Variants in SPG11 observed in about 807,000 individuals in gnomAD.
SPG11 encodes spatacsin.
A neutral mutation model predicts 274.0 loss-of-function variants in SPG11; 222 were observed. That is an observed-to-expected ratio of 0.81 (90% CI 0.73 to 0.91). The LOEUF is 0.91. Among genes scored for constraint, SPG11 ranks in the 40% least tolerant of loss-of-function variants. SPG11 has a pLI of 0.00. For missense variants in SPG11, 3,114 were observed against 2,872.7 expected (o/e 1.08, Z -1.92); for synonymous variants, 1,144 against 1,039.7 (o/e 1.10, Z -1.93).
chr15:44,648,139 A>G (rs1595922281), intron 7 of SPG11, among the ~76,000 whole-genome samples: 1 of 152,208 alleles, frequency 6.6e-6, no homozygotes, highest in East Asian at 1.9e-4. Context: ...ACCAAATTAG[A>G]TATTCCATGT....
chr15:44,570,677 G>GT lies in SPG11; in HGVS notation c.6344-20dup, dbSNP rs1567129632. The GT allele has an allele frequency of 6.2e-7, 1 of 1,612,682 alleles. No homozygotes were observed. Among genetic ancestry groups the GT allele is most frequent in the Admixed American group, 1.7e-5 (1 of 59,782 alleles). On this transcript the variant is annotated intron_variant, in intron 33 of 39. Transcript: ENST00000261866. ...TCTGTGGCTGGGAGGGTGGGCACTG[G>GT]TAAGATAAGATTATGAACCCTGGCT...
chr15:44,568,658 G>T (rs533331582), intron 35 of SPG11, among the ~76,000 whole-genome samples: 1 of 152,198 alleles, frequency 6.6e-6, no homozygotes, highest in African/African-American at 2.4e-5. Context: ...CAGCTTTTTG[G>T]TCTAAACTTT....
At chr15:44,586,569 G>A (rs2082769422) in intron 28 of SPG11, among the ~76,000 whole-genome samples, 1 of 152,088 alleles carries the variant, frequency 6.6e-6, no homozygotes, top group South Asian at 2.1e-4. Context: ...ACTTGAACCT[G>A]GGAGGCGGAG....
intron 20 of SPG11, 115 bp downstream of exon 20, chr15:44,605,910 A>T: frequency 1.1e-6 from 1 of 915,402 alleles, no homozygotes; most frequent in Non-Finnish European, 1.8e-6. Flanking sequence ...CCTTTGGAAT[A>T]CACCTTTACT....
rs2083375028 is a variant in SPG11, at chr15:44,608,349, A to AC, written c.3453+94dup. The AC allele has an allele frequency of 1.6e-5, 21 of 1,342,754 alleles. No individual in the cohort carries two copies. In the East Asian group the frequency reaches 5.0e-4, roughly 32 times the overall value. 83.2% of individuals were successfully genotyped at this position (1,342,754 alleles called of 1,614,324 possible). On this transcript the variant is annotated intron_variant, in intron 19 of 39. Transcript: ENST00000261866. Reference sequence around the variant, plus strand: ...TATCATGCTGTGTAAGTAATTCCCTACATTAAATGCCCTCCGGTTGAAAGA... The same window carrying AC: ...TATCATGCTGTGTAAGTAATTCCCTACCATTAAATGCCCTCCGGTTGAAAGA...
chr15:44,617,229 T>C (rs1024118012), intron 15 of SPG11, among the ~76,000 whole-genome samples: 1 of 152,242 alleles, frequency 6.6e-6, no homozygotes, highest in African/African-American at 2.4e-5. Context: ...GCCAGGCAGC[T>C]CTCTTGGTCT....
intron 27 of SPG11, among the ~76,000 whole-genome samples, chr15:44,590,195 C>T (rs182556845): frequency 1.3e-5 from 2 of 152,202 alleles, no homozygotes; most frequent in African/African-American, 4.8e-5. Flanking sequence ...GAAAGACGTG[C>T]CTAACATTAC....
chr15:44,567,273 C>T (rs1327124107), intron 36 of SPG11, 151 bp downstream of exon 36: 4 of 737,030 alleles, frequency 5.4e-6, no homozygotes, highest in Non-Finnish European at 8.7e-6. Context: ...ATCACTTGAA[C>T]CTGGGAGGCG....
intron 11 of SPG11, among the ~76,000 whole-genome samples, chr15:44,625,723 G>C (rs1595894682): frequency 6.6e-6 from 1 of 152,126 alleles, no homozygotes; most frequent in East Asian, 1.9e-4. Context: ...CTGTTGCCCA[G>C]GCTGGAACGC....
chr15:44,605,961 A>C (rs1209240159), intron 20 of SPG11, 64 bp downstream of exon 20: 4 of 1,300,208 alleles, frequency 3.1e-6, no homozygotes, highest in Non-Finnish European at 4.5e-6. Flanking sequence ...TTGGCATTAC[A>C]TGTATTAACT....
intron 30 of SPG11, among the ~76,000 whole-genome samples, chr15:44,578,081 T>C (rs989075694): frequency 2.7e-4 from 40 of 148,830 alleles, no homozygotes; most frequent in African/African-American, 9.4e-4. Context: ...CTGGAGTGCA[T>C]TGGCGTGATC....
Position 44,608,493 on chromosome 15 carries a change from G to A in SPG11, c.3404C>T (p.Thr1135Ile). 2 of 1,614,152 alleles carry A rather than the reference G, an allele frequency of 1.2e-6. No individual in the cohort carries two copies. The highest frequency in any genetic ancestry group is 1.7e-4 in the Middle Eastern group (1 of 6,060). ...KLKTALFPQC[T>I]PPSVLPSDIT... ...ATCAGATGGCAGGACACTAGGAGGA[G>A]TGCACTGTGGGAAGAGAGCAGTTTT... Residue 1135 changes from threonine (T) to isoleucine (I), a missense_variant, in exon 19 of 40, where the codon ACT becomes ATT. By Grantham distance (89) the Thr-to-Ile change is moderately conservative (BLOSUM62 -1). Coordinates refer to ENST00000261866, the MANE Select transcript of SPG11 (RefSeq NM_025137.4).
Position 44,626,359 on chromosome 15 carries a change from T to C in SPG11, c.2216A>G (p.Lys739Arg). The C allele has an allele frequency of 6.2e-7, 1 of 1,613,098 alleles. No individual in the cohort carries two copies. The highest frequency in any genetic ancestry group is 8.5e-7 in the Non-Finnish European group (1 of 1,179,770). The change falls in exon 11 of 40, where the codon AAG becomes AGG. Residue 739 changes from lysine to arginine, a missense_variant. Lys to Arg is a conservative substitution (Grantham distance 26). Transcript: ENST00000261866. Reference sequence around the variant, plus strand: ...ATTCTTCAAAAGTTCAGAGGCTTCCTTTATATTGTTCTTTTTTAAATTGTC... The same window carrying C: ...ATTCTTCAAAAGTTCAGAGGCTTCCCTTATATTGTTCTTTTTTAAATTGTC... ...VFDNLKKNNIKEASELLKNMG... is the reference protein window; with the variant it reads ...VFDNLKKNNIREASELLKNMG...
intron 7 of SPG11, among the ~76,000 whole-genome samples, chr15:44,638,382 C>T (rs1271824199): frequency 1.3e-5 from 2 of 152,054 alleles, no homozygotes; most frequent in African/African-American, 4.8e-5. Context: ...ATCGCTTGAA[C>T]ACAGGAGGTG....
intron 6 of SPG11, among the ~76,000 whole-genome samples, chr15:44,649,578 G>A (rs566056345): frequency 6.6e-6 from 1 of 151,870 alleles, no homozygotes; most frequent in East Asian, 1.9e-4. Flanking sequence ...ATTCTTATAA[G>A]AGCAATGCAT....
rs974510197 is a variant in SPG11 at position 44,572,980 on chromosome 15, C to CTTTT, written c.6206-164_6206-161dup. Among the ~76,000 whole-genome samples, 96 of 83,288 alleles carry CTTTT rather than the reference C, an allele frequency of 1.2e-3. 1 individual carries two copies. Among genetic ancestry groups the CTTTT allele is most frequent in the African/African-American group, 3.3e-3 (66 of 19,806 alleles). 54.6% of individuals were successfully genotyped at this position (83,288 alleles called of 152,430 possible). A position where few individuals can be genotyped will look rare whatever the true frequency, so the allele number is the denominator to read the frequency against. On this transcript the variant is annotated intron_variant, in intron 32 of 39. Transcript: ENST00000261866. ...TTGGTCATTTTATAGGACAGGAGTT[C>CTTTT]TTTTTTTTTTTTTTTTTTTTTTTTG...
At chr15:44,622,640 C>T (rs1234807201) in intron 12 of SPG11, 88 bp downstream of exon 12, 5 of 1,105,692 alleles carry the variant, frequency 4.5e-6, no homozygotes, top group African/African-American at 3.1e-5. Context: ...ATTAAAATTA[C>T]TTAAGGTTTT....
rs751899105 is a variant in SPG11, at chr15:44,628,660, C to T, written c.2067+9G>A. ...GCAAATAAAAGAAGTGATGATTATTCGTACTTACCTCAAAGCTGAGTTTCT... is the reference window on the plus strand; with the variant it reads ...GCAAATAAAAGAAGTGATGATTATTTGTACTTACCTCAAAGCTGAGTTTCT... On this transcript the variant is annotated intron_variant, in intron 10 of 39. Coordinates refer to ENST00000261866, the MANE Select transcript of SPG11 (RefSeq NM_025137.4). 1.2e-5 allele frequency: 19 copies of T among 1,611,196 alleles called. No individual in the cohort carries two copies. The highest frequency in any genetic ancestry group is 9.4e-5 in the African/African-American group (7 of 74,860).
chr15:44,660,061 A>AAAAAT (rs1299891612), intron 2 of SPG11, among the ~76,000 whole-genome samples: 1 of 152,196 alleles, frequency 6.6e-6, no homozygotes, highest in Non-Finnish European at 1.5e-5. Flanking sequence ...ACTGTCTCAA[A>AAAAAT]AAAATAAAAT....
Sources: allele counts gnomAD v4.1 joint callset (sites outside exome capture counted in the v4.1 genomes callset), GRCh38; gene constraint gnomAD v4.1.1; transcripts MANE v1.5; gene names NCBI Gene and HGNC (gene_info 2026-07-23, HGNC 2026-07-21).